NRXN3: variants seen among roughly 807,000 people sequenced by gnomAD.
The protein encoded by NRXN3 is neurexin III.
A neutral mutation model predicts 137.6 loss-of-function variants in NRXN3; 32 were observed. The ratio of observed to expected loss-of-function variants is 0.23; its 90% CI spans 0.18 to 0.31. The LOEUF (loss-of-function observed/expected upper bound fraction) is 0.31, where lower values mean the gene tolerates loss of function less well. Among genes scored for constraint, NRXN3 ranks in the 10% least tolerant of loss-of-function variants. NRXN3 has a pLI of 1.00. For synonymous variants in NRXN3, 798 were observed against 784.5 expected, an observed-to-expected ratio of 1.02 and a Z score of -0.29; for missense variants, 1,574 against 2,062.5, an observed-to-expected ratio of 0.76 and a Z score of 4.59.
At chr14:79,406,314 CTCTT>C (rs2095311277) in intron 15 of NRXN3, among the ~76,000 whole-genome samples, 1 of 149,392 alleles carries the variant, frequency 6.7e-6, no homozygotes, top group Non-Finnish European at 1.5e-5. Context: ...CTCTCCTCCT[CTCTT>C]TCTTGAGACA....
chr14:79,202,177 C>G (rs2066130598), intron 15 of NRXN3, among the ~76,000 whole-genome samples: 1 of 151,384 alleles, frequency 6.6e-6, no homozygotes, highest in Non-Finnish European at 1.5e-5. Context: ...GGCTTATGTT[C>G]TCCCTGAAGA....
chr14:79,829,060 C>T (rs894189611), intron 20 of NRXN3, among the ~76,000 whole-genome samples: 26 of 152,110 alleles, frequency 1.7e-4, no homozygotes, highest in Non-Finnish European at 3.7e-4. Flanking sequence ...TATCAATTAA[C>T]TTGTTCAATA....
At chr14:78,984,047 G>A (rs1246795823) in intron 14 of NRXN3, among the ~76,000 whole-genome samples, 1 of 151,882 alleles carries the variant, frequency 6.6e-6, no homozygotes, top group Admixed American at 6.6e-5. Flanking sequence ...TAGAATAGTG[G>A]CTATAGGAGG....
At chr14:78,739,678 G>T (rs2098556260) in intron 8 of NRXN3, among the ~76,000 whole-genome samples, 1 of 152,074 alleles carries the variant, frequency 6.6e-6, no homozygotes, top group African/African-American at 2.4e-5. Context: ...CGCTATGTTG[G>T]CCAGGCTGCT....
chr14:79,552,936 C>A (rs932740801), intron 16 of NRXN3, among the ~76,000 whole-genome samples: 2 of 152,096 alleles, frequency 1.3e-5, no homozygotes, highest in Non-Finnish European at 2.9e-5. Context: ...AGTTAATCTT[C>A]TCTGGTTAGT....
chr14:79,858,400 A>T (rs945643667), intron 20 of NRXN3, among the ~76,000 whole-genome samples: 3 of 152,182 alleles, frequency 2.0e-5, no homozygotes, highest in Non-Finnish European at 4.4e-5. Flanking sequence ...AATCATGAAG[A>T]TGGTGATCTT....
At chr14:79,515,026 C>T (rs2096969018) in intron 16 of NRXN3, among the ~76,000 whole-genome samples, 1 of 150,360 alleles carries the variant, frequency 6.7e-6, no homozygotes, top group South Asian at 2.1e-4. Flanking sequence ...TTTGTTTCCT[C>T]ATTCAAAAAA....
At chr14:78,604,258 G>A (rs2097226939) in intron 4 of NRXN3, among the ~76,000 whole-genome samples, 1 of 151,686 alleles carries the variant, frequency 6.6e-6, no homozygotes, top group Non-Finnish European at 1.5e-5. Flanking sequence ...GATGAGATTT[G>A]GGTGGGGACA....
chr14:79,162,780 C>G (rs2061920), intron 15 of NRXN3, among the ~76,000 whole-genome samples: 1 of 151,690 alleles, frequency 6.6e-6, no homozygotes, highest in African/African-American at 2.4e-5. Flanking sequence ...ACATGAATTA[C>G]CAAATCTAAT....
Position 78,714,791 on chromosome 14 carries a change from A to G in NRXN3, c.1696A>G (p.Thr566Ala). 1 of 1,614,010 alleles carries G rather than the reference A, an allele frequency of 6.2e-7. No individual in the cohort carries two copies. ...AGTGAACAGCAGGCGCACGCCATTCACCGCCAGTGGGGAGAGCGAGATCCT... is the reference window on the plus strand; with the variant it reads ...AGTGAACAGCAGGCGCACGCCATTCGCCGCCAGTGGGGAGAGCGAGATCCT... The part of the protein sequence containing the change: ...ISVNSRRTPF[T>A]ASGESEILDL... The change falls in exon 8 of 21, where the codon ACC becomes GCC. Residue 566 changes from threonine (T) to alanine (A), a missense_variant. By Grantham distance (58) the Thr-to-Ala change is moderately conservative. This residue lies in a region of NRXN3 where 718 missense variants were observed against 887.6 expected (regional missense o/e 0.81). Transcript: ENST00000335750.
At chr14:78,580,310 C>T (rs941774607) in intron 4 of NRXN3, among the ~76,000 whole-genome samples, 5 of 152,116 alleles carry the variant, frequency 3.3e-5, no homozygotes, top group African/African-American at 1.2e-4. Flanking sequence ...AGCTGCCAAT[C>T]TCATTACACA....
At chr14:78,536,280 T>C (rs967711955) in intron 4 of NRXN3, among the ~76,000 whole-genome samples, 9 of 152,184 alleles carry the variant, frequency 5.9e-5, no homozygotes, top group African/African-American at 1.9e-4. Context: ...TCCTAGACCT[T>C]CCTCAGTGAG....
intron 4 of NRXN3, among the ~76,000 whole-genome samples, chr14:78,490,650 G>A (rs2095649177): frequency 1.3e-5 from 2 of 152,126 alleles, no homozygotes; most frequent in Admixed American, 1.3e-4. Flanking sequence ...TTGAGCCCAA[G>A]TCTGCCTAAT....
intron 19 of NRXN3, among the ~76,000 whole-genome samples, chr14:79,719,196 A>G (rs935750753): frequency 2.0e-5 from 3 of 151,866 alleles, no homozygotes; most frequent in African/African-American, 7.3e-5. Flanking sequence ...GACATCATTT[A>G]GTGTTCTCAT....
intron 4 of NRXN3, among the ~76,000 whole-genome samples, chr14:78,325,295 T>C (rs145244372): frequency 4.2e-4 from 64 of 152,022 alleles, no homozygotes; most frequent in African/African-American, 1.5e-3. Context: ...AGCCACAGTG[T>C]TGCATAGGAC....
At chr14:79,185,888 C>T (rs1171808933) in intron 15 of NRXN3, among the ~76,000 whole-genome samples, 1 of 152,024 alleles carries the variant, frequency 6.6e-6, no homozygotes, top group Non-Finnish European at 1.5e-5. Context: ...TACTCATTTC[C>T]CCCCAAGATT....
At chr14:78,676,244 T>C (rs1302800394) in intron 6 of NRXN3, among the ~76,000 whole-genome samples, 2 of 152,152 alleles carry the variant, frequency 1.3e-5, no homozygotes, top group African/African-American at 2.4e-5. Context: ...AAAGTTAAGA[T>C]AGGCTGAAAG....
chr14:79,127,341 T>C (rs1457067279), intron 15 of NRXN3, among the ~76,000 whole-genome samples: 3 of 152,156 alleles, frequency 2.0e-5, no homozygotes, highest in Non-Finnish European at 2.9e-5. Flanking sequence ...CCATCTTGAA[T>C]TGATTTTTGT....
chr14:78,642,534 C>A (rs1329837389), intron 4 of NRXN3, among the ~76,000 whole-genome samples: 1 of 152,210 alleles, frequency 6.6e-6, no homozygotes, highest in Non-Finnish European at 1.5e-5. Flanking sequence ...AGTGGGCACA[C>A]AAGGTATAAC....
Sources: allele counts gnomAD v4.1 joint callset (sites outside exome capture counted in the v4.1 genomes callset), GRCh38; gene constraint gnomAD v4.1.1; regional missense constraint gnomAD v4.1.1; transcripts MANE v1.5; gene names NCBI Gene and HGNC (gene_info 2026-07-23, HGNC 2026-07-21).